DNAH12: variants seen among roughly 807,000 people sequenced by gnomAD.
The protein encoded by DNAH12 is axonemal beta dynein heavy chain 12.
A neutral mutation model predicts 371.5 loss-of-function variants in DNAH12; 285 were observed. That is an observed-to-expected ratio of 0.77 (90% CI 0.70 to 0.85). The LOEUF is 0.85. Among genes scored for constraint, DNAH12 ranks in the 40% least tolerant of loss-of-function variants. The probability of loss-of-function intolerance (pLI) is 0.00; values close to 1 mark genes in which losing one functional copy is unlikely to be tolerated. For missense variants in DNAH12, 3,611 were observed against 3,689.4 expected (o/e 0.98, Z 0.55); for synonymous variants, 1,200 against 1,213.0 (o/e 0.99, Z 0.22).
rs1305506902 is a variant in DNAH12 at position 57,459,527 on chromosome 3, CAT to C, written c.2931+63_2931+64del. The C allele has an allele frequency of 2.9e-5, 37 of 1,289,704 alleles. No individual in the cohort carries two copies. The Admixed American group carries it at 3.5e-4, about 12-fold the overall frequency. 79.9% of individuals were successfully genotyped at this position (1,289,704 alleles called of 1,614,324 possible). On this transcript the variant is annotated intron_variant, in intron 20 of 73. Coordinates refer to ENST00000495027, the MANE Select transcript of DNAH12 (RefSeq NM_001366028.2). ...ATTTTTATAATCAGAAAAAAAGTCACATGTTTTACTTAATTTCCAAAAACAAA... is the reference window on the plus strand; with the variant it reads ...ATTTTTATAATCAGAAAAAAAGTCACGTTTTACTTAATTTCCAAAAACAAA...
At chr3:57,445,956 C>A in intron 27 of DNAH12, 75 bp downstream of exon 27, 1 of 1,381,504 alleles carries the variant, frequency 7.2e-7, no homozygotes, top group Non-Finnish European at 9.5e-7. Context: ...CCACTGCACT[C>A]CAGCCTGGGC....
At chr3:57,339,082 A>G (rs1341907552) in intron 60 of DNAH12, among the ~76,000 whole-genome samples, 7 of 152,062 alleles carry the variant, frequency 4.6e-5, no homozygotes, top group African/African-American at 1.7e-4. Context: ...CTTACCCCCA[A>G]CCCCGTGCTC....
In DNAH12 at chr3:57,499,644, AAAAATATATATATAT is replaced by A. The variant is rs1243854039; in HGVS notation, c.1335+1662_1335+1676del. Reference sequence around the variant, plus strand: ...CACCATCTCTACAAAAAAAAAAAAAAAAAATATATATATATATATATATATATATATACTTCTTAA... The same window carrying A: ...CACCATCTCTACAAAAAAAAAAAAAAATATATATATATATATACTTCTTAA... On this transcript the variant is annotated intron_variant, in intron 11 of 73. Transcript: ENST00000495027. Among the ~76,000 whole-genome samples the A allele has an allele frequency of 2.0e-4, 8 of 40,770 alleles. 2 individuals are homozygous for A. Among genetic ancestry groups the A allele is most frequent in the African/African-American group, 6.8e-4 (7 of 10,328 alleles). The allele number at this position is 40,770 out of a possible 152,430, so 26.7% of individuals were successfully genotyped here.
intron 13 of DNAH12, among the ~76,000 whole-genome samples, chr3:57,477,198 C>T (rs1432823853): frequency 6.6e-6 from 1 of 152,168 alleles, no homozygotes; most frequent in Non-Finnish European, 1.5e-5. Context: ...TAACAGACGG[C>T]ACCTGGAAAA....
At chr3:57,524,186 A>G (rs181836493) in intron 2 of DNAH12, among the ~76,000 whole-genome samples, 1 of 152,278 alleles carries the variant, frequency 6.6e-6, no homozygotes, top group African/African-American at 2.4e-5. Context: ...TCTCTGTTCA[A>G]ATGTCTGCCG....
chr3:57,537,341 T>A (rs2069088496), intron 2 of DNAH12, among the ~76,000 whole-genome samples: 1 of 152,166 alleles, frequency 6.6e-6, no homozygotes, highest in Non-Finnish European at 1.5e-5. Flanking sequence ...CTGGCTTGAA[T>A]CAAGAGATGA....
At chr3:57,483,561 A>T (rs1169127937) in intron 12 of DNAH12, 50 bp from the exon 13 acceptor site, 14 of 1,480,786 alleles carry the variant, frequency 9.5e-6, no homozygotes, top group Admixed American at 5.0e-5. Flanking sequence ...ATGTTATATC[A>T]TATTCAATAA....
At chr3:57,345,202 A>G (rs1052708365) in intron 60 of DNAH12, among the ~76,000 whole-genome samples, 22 of 152,218 alleles carry the variant, frequency 1.4e-4, no homozygotes, top group African/African-American at 5.1e-4. Flanking sequence ...TCTGTCTGAA[A>G]TGGTGGGTAA....
chr3:57,343,195 G>T (rs1395276684), intron 60 of DNAH12, among the ~76,000 whole-genome samples: 2 of 151,108 alleles, frequency 1.3e-5, no homozygotes, highest in Non-Finnish European at 2.9e-5. Flanking sequence ...GTGGGGAAAA[G>T]AAAGAGAGAT....
intron 43 of DNAH12, among the ~76,000 whole-genome samples, chr3:57,401,156 A>G (rs1198314197): frequency 1.3e-5 from 2 of 152,182 alleles, no homozygotes; most frequent in East Asian, 3.8e-4. Context: ...AAATTAGAAA[A>G]TATCTTGAGA....
At chr3:57,424,849 GT>G (rs2064712698) in intron 35 of DNAH12, among the ~76,000 whole-genome samples, 172 bp downstream of exon 35, 1 of 151,108 alleles carries the variant, frequency 6.6e-6, no homozygotes, top group East Asian at 1.9e-4. Flanking sequence ...TCTTTAAAGT[GT>G]TTTTTATTAT....
chr3:57,430,688 T>A (rs1575591298), intron 32 of DNAH12, among the ~76,000 whole-genome samples: 1 of 152,194 alleles, frequency 6.6e-6, no homozygotes, highest in Non-Finnish European at 1.5e-5. Flanking sequence ...ACTTGATACC[T>A]AAATTAATTT....
At chr3:57,325,163 C>G (rs1319518934) in intron 62 of DNAH12, among the ~76,000 whole-genome samples, 1 of 152,244 alleles carries the variant, frequency 6.6e-6, no homozygotes, top group South Asian at 2.1e-4. Flanking sequence ...AACAAAAAGA[C>G]AGCAGTAACC....
intron 2 of DNAH12, among the ~76,000 whole-genome samples, chr3:57,532,121 A>T (rs1478282338): frequency 6.6e-6 from 1 of 152,176 alleles, no homozygotes; most frequent in African/African-American, 2.4e-5. Context: ...AACTGCTATT[A>T]AAAGAACGCT....
intron 2 of DNAH12, among the ~76,000 whole-genome samples, chr3:57,535,073 A>G (rs2153401450): frequency 6.6e-6 from 1 of 152,368 alleles, no homozygotes; most frequent in East Asian, 1.9e-4. Flanking sequence ...CGATAGGAAC[A>G]TGAAGATAAA....
intron 29 of DNAH12, among the ~76,000 whole-genome samples, chr3:57,441,166 A>C (rs2065293821): frequency 6.6e-6 from 1 of 152,220 alleles, no homozygotes; most frequent in Non-Finnish European, 1.5e-5. Context: ...ATAAGATAGA[A>C]AAAATAGAGG....
At chr3:57,318,481 G>C (rs188338520) in intron 65 of DNAH12, among the ~76,000 whole-genome samples, 4 of 147,414 alleles carry the variant, frequency 2.7e-5, no homozygotes, top group Non-Finnish European at 4.6e-5. Context: ...TGTGTAGATT[G>C]ATTTCTGAGC....
intron 58 of DNAH12, among the ~76,000 whole-genome samples, chr3:57,361,472 C>CACATATATA (rs2062934913): frequency 1.1e-5 from 1 of 94,554 alleles, no homozygotes; most frequent in African/African-American, 4.0e-5. Flanking sequence ...ATATATATAT[C>CACATATATA]TCATTCAGCT....
intron 43 of DNAH12, among the ~76,000 whole-genome samples, chr3:57,398,471 T>C (rs981967276): frequency 6.6e-6 from 1 of 152,224 alleles, no homozygotes; most frequent in South Asian, 2.1e-4. Flanking sequence ...TAGGATGAAG[T>C]CATAGAAATC....
Sources: allele counts gnomAD v4.1 joint callset (sites outside exome capture counted in the v4.1 genomes callset), GRCh38; gene constraint gnomAD v4.1.1; transcripts MANE v1.5; gene names NCBI Gene and HGNC (gene_info 2026-07-23, HGNC 2026-07-21).